CCSER1: variants seen among roughly 807,000 people sequenced by gnomAD.
The protein encoded by CCSER1 is serine-rich coiled-coil domain-containing protein 1.
Under a neutral mutation model 82.0 loss-of-function variants are expected in CCSER1, and 41 were observed. The observed-to-expected ratio is 0.50, with a 90% CI of 0.39 to 0.65. The LOEUF (loss-of-function observed/expected upper bound fraction) is 0.65. Ranked by LOEUF, CCSER1 falls within the 30% of genes least tolerant of loss-of-function variation. The pLI, the probability that CCSER1 is intolerant of heterozygous loss-of-function variation, is 0.00. For synonymous variants in CCSER1, 414 were observed against 383.9 expected, an observed-to-expected ratio of 1.08 and a Z score of -0.92; for missense variants, 1,119 against 1,064.2, an observed-to-expected ratio of 1.05 and a Z score of -0.72.
At chr4:91,056,177 G>A (rs370113045) in intron 9 of CCSER1, among the ~76,000 whole-genome samples, 3 of 152,118 alleles carry the variant, frequency 2.0e-5, no homozygotes, top group African/African-American at 7.2e-5. Flanking sequence ...TCTGTCATCA[G>A]CTTCCTCTCA....
intron 10 of CCSER1, among the ~76,000 whole-genome samples, chr4:91,093,034 A>G (rs1172119895): frequency 6.6e-6 from 1 of 152,120 alleles, no homozygotes; most frequent in African/African-American, 2.4e-5. Flanking sequence ...ATAATGCTCC[A>G]TATACTTGAA....
intron 10 of CCSER1, among the ~76,000 whole-genome samples, chr4:91,222,166 G>A (rs1022776852): frequency 6.6e-6 from 1 of 150,782 alleles, no homozygotes; most frequent in East Asian, 2.0e-4. Flanking sequence ...TGATTTTCAG[G>A]GCTGAATGAA....
intron 7 of CCSER1, among the ~76,000 whole-genome samples, chr4:90,773,234 C>G (rs1485998944): frequency 6.6e-6 from 1 of 152,194 alleles, no homozygotes; most frequent in African/African-American, 2.4e-5. Context: ...GAGCGAAACT[C>G]TGTCTCAAAA....
intron 6 of CCSER1, among the ~76,000 whole-genome samples, chr4:90,631,875 G>A (rs1428632011): frequency 2.6e-5 from 4 of 152,064 alleles, no homozygotes; most frequent in African/African-American, 9.6e-5. Flanking sequence ...ATTACCTTTG[G>A]GCTATGTCTA....
chr4:91,372,103 G>A (rs78696484), intron 10 of CCSER1, among the ~76,000 whole-genome samples: 2,965 of 152,222 alleles, frequency 0.019, 76 homozygotes, highest in African/African-American at 0.067. Context: ...AAAAGGATCT[G>A]TGTATTTGTA....
At chr4:90,453,941 C>T (rs996937132) in intron 4 of CCSER1, among the ~76,000 whole-genome samples, 4 of 152,130 alleles carry the variant, frequency 2.6e-5, no homozygotes, top group Non-Finnish European at 5.9e-5. Context: ...TGGTCTGGAC[C>T]ACCAGAGCCA....
intron 10 of CCSER1, among the ~76,000 whole-genome samples, chr4:91,211,361 G>A (rs1000320451): frequency 3.3e-5 from 5 of 152,034 alleles, no homozygotes; most frequent in African/African-American, 1.2e-4. Context: ...GGCTTGGGAT[G>A]ACTTTAAGCT....
At chr4:90,635,194 A>G (rs1394139470) in intron 6 of CCSER1, among the ~76,000 whole-genome samples, 1 of 151,782 alleles carries the variant, frequency 6.6e-6, no homozygotes, top group African/African-American at 2.4e-5. Flanking sequence ...AGAAGACTTG[A>G]ACAATATTAT....
chr4:90,736,756 G>A (rs921253731), intron 7 of CCSER1, among the ~76,000 whole-genome samples: 2 of 151,576 alleles, frequency 1.3e-5, no homozygotes, highest in African/African-American at 2.4e-5. Flanking sequence ...TTGTTTTCTG[G>A]TTGTTTTTTC....
chr4:90,279,430 A>G lies in CCSER1; in HGVS notation c.-41-28814A>G, dbSNP rs533242868. 7.9e-5 allele frequency among the ~76,000 whole-genome samples: 12 copies of G among 152,184 alleles called. No homozygotes were observed. The East Asian group carries it at 2.1e-3, about 27-fold the overall frequency. On this transcript the variant is annotated intron_variant, in intron 1 of 10. Transcript: ENST00000509176. ...AAATTTATTATATTCTGAAAGAGGTAGCCACATAGAAATGCTGCAGAGTAA... is the reference window on the plus strand; with the variant it reads ...AAATTTATTATATTCTGAAAGAGGTGGCCACATAGAAATGCTGCAGAGTAA...
At position 91,125,294 on chromosome 4, in the gene CCSER1, A is replaced by G. The variant is rs184891251; in HGVS notation, c.2217+39300A>G. 4.7e-4 allele frequency among the ~76,000 whole-genome samples: 72 copies of G among 151,832 alleles called. No homozygotes were observed. In the East Asian group the frequency reaches 0.013, roughly 26 times the overall value. ...CTGATTAATATAGAGAAGCTCACTTAACAGTAAAATCTAATATAATTGCTA... is the reference window on the plus strand; with the variant it reads ...CTGATTAATATAGAGAAGCTCACTTGACAGTAAAATCTAATATAATTGCTA... On this transcript the variant is annotated intron_variant, in intron 10 of 10. Transcript: ENST00000509176.
rs374882058 is a variant in CCSER1, at chr4:90,293,439, T to C, written c.-41-14805T>C. On this transcript the variant is annotated intron_variant, in intron 1 of 10. Coordinates refer to ENST00000509176, the MANE Select transcript of CCSER1 (RefSeq NM_001145065.2). ...AAAAAGATTTAATTTGTTAATATAC[T>C]TTAAGGATTTTGTGATATTTTTAAT... 4.0e-5 allele frequency among the ~76,000 whole-genome samples: 6 copies of C among 151,536 alleles called. No homozygotes were observed. The East Asian group carries it at 9.7e-4, about 24-fold the overall frequency.
At chr4:91,580,361 GCACATTCCAT>G (rs1191229434) in intron 10 of CCSER1, among the ~76,000 whole-genome samples, 1 of 151,758 alleles carries the variant, frequency 6.6e-6, no homozygotes, top group Non-Finnish European at 1.5e-5. Context: ...ATTGTGCTAA[GCACATTCCAT>G]ACAGTAGCTC....
At chr4:91,216,528 G>A (rs1737256057) in intron 10 of CCSER1, among the ~76,000 whole-genome samples, 1 of 152,072 alleles carries the variant, frequency 6.6e-6, no homozygotes, top group Admixed American at 6.5e-5. Context: ...CACCGTGTTA[G>A]CCAGGATGGT....
In CCSER1 at chr4:90,939,254, T is replaced by C. The variant is rs910530052; in HGVS notation, c.2172+15807T>C. Reference sequence around the variant, plus strand: ...GAAAGCAGTATGTCTTTAATTAGAATAAATAATGAAGAGTCTTACTCTAAC... The same window carrying C: ...GAAAGCAGTATGTCTTTAATTAGAACAAATAATGAAGAGTCTTACTCTAAC... On this transcript the variant is annotated intron_variant, in intron 9 of 10. Coordinates refer to ENST00000509176, the MANE Select transcript of CCSER1 (RefSeq NM_001145065.2). Among the ~76,000 whole-genome samples the C allele has an allele frequency of 2.6e-5, 4 of 152,150 alleles. No homozygotes were observed. In the East Asian group the frequency reaches 7.7e-4, roughly 29 times the overall value.
chr4:90,714,956 G>T (rs1489313290), intron 6 of CCSER1, among the ~76,000 whole-genome samples: 1 of 151,906 alleles, frequency 6.6e-6, no homozygotes, highest in Admixed American at 6.6e-5. Context: ...TTGTGGTGAT[G>T]CTCTAACACT....
intron 10 of CCSER1, among the ~76,000 whole-genome samples, chr4:91,511,291 G>A (rs1416574176): frequency 1.3e-5 from 2 of 151,998 alleles, no homozygotes; most frequent in African/African-American, 4.8e-5. Flanking sequence ...TCTTAGACTT[G>A]CCTTGGCTAT....
chr4:90,299,722 A>G (rs80283252), intron 1 of CCSER1, among the ~76,000 whole-genome samples: 33 of 152,238 alleles, frequency 2.2e-4, no homozygotes, highest in African/African-American at 7.5e-4. Flanking sequence ...ATAAACTGAA[A>G]AAGTGTTGAG....
At chr4:91,564,986 C>A (rs1291485035) in intron 10 of CCSER1, among the ~76,000 whole-genome samples, 2 of 148,042 alleles carry the variant, frequency 1.4e-5, no homozygotes, top group African/African-American at 2.5e-5. Context: ...GGGTTTTTAT[C>A]ATCTTGGGTT....
Sources: gnomAD v4.1 joint callset for allele counts (sites outside exome capture counted in the v4.1 genomes callset) on GRCh38, gnomAD v4.1.1 for gene constraint, MANE v1.5 for transcripts, NCBI Gene and HGNC (gene_info 2026-07-23, HGNC 2026-07-21) for gene names.